Variants in ATP10D observed in about 807,000 individuals in gnomAD.
ATP10D encodes the protein phospholipid-transporting ATPase VD.
A neutral mutation model predicts 144.8 loss-of-function variants in ATP10D; 89 were observed. The ratio of observed to expected loss-of-function variants is 0.61; its 90% CI spans 0.52 to 0.73. The LOEUF (loss-of-function observed/expected upper bound fraction) is 0.73, where lower values mean the gene tolerates loss of function less well. Among genes scored for constraint, ATP10D ranks in the 30% least tolerant of loss-of-function variants. The pLI, the probability that ATP10D is intolerant of heterozygous loss-of-function variation, is 0.00. For missense variants in ATP10D, 1,603 were observed against 1,714.8 expected (o/e 0.93, Z 1.15); for synonymous variants, 571 against 615.1 (o/e 0.93, Z 1.06).
intron 22 of ATP10D, among the ~76,000 whole-genome samples, chr4:47,588,816 A>G (rs1018480224): frequency 5.9e-5 from 9 of 152,218 alleles, no homozygotes; most frequent in African/African-American, 2.2e-4. Context: ...AAAAACAATT[A>G]CTTAAAGGTT....
intron 1 of ATP10D, among the ~76,000 whole-genome samples, chr4:47,488,612 C>CAAAAAAAAAAAAAA (rs56859197): frequency 2.1e-3 from 193 of 91,230 alleles, no homozygotes; most frequent in Non-Finnish European, 2.6e-3. Flanking sequence ...ATATAATAAG[C>CAAAAAAAAAAAAAA]AAAAAAAAAA....
At position 47,538,694 on chromosome 4, in the gene ATP10D, A is replaced by C. The variant is rs189598865; in HGVS notation, c.1396+1756A>C. ...TATGCTTAGCTCACTGGTATTTCGC[A>C]GAATTCAGTGTACTGAAGTTTTAGG... On this transcript the variant is annotated intron_variant, in intron 9 of 22. Coordinates refer to ENST00000273859, the MANE Select transcript of ATP10D (RefSeq NM_020453.4). Among the ~76,000 whole-genome samples, 11 of 152,300 alleles carry C rather than the reference A, an allele frequency of 7.2e-5. No individual in the cohort carries two copies. In the East Asian group the frequency reaches 2.1e-3, roughly 29 times the overall value.
In ATP10D at chr4:47,515,492, T is replaced by A. The variant is rs893455576; in HGVS notation, c.307T>A (p.Phe103Ile). ...EQFHRAANLY[F>I]LFLVVLNWVP... Reference sequence around the variant, plus strand: ...GGGTTGCAGAGCTGCCAATTTATATTTCCTGTTCCTAGTTGTCCTGAACTG... The same window carrying A: ...GGGTTGCAGAGCTGCCAATTTATATATCCTGTTCCTAGTTGTCCTGAACTG... The change falls in exon 3 of 23, where the codon TTC (phenylalanine) becomes ATC (isoleucine). Residue 103 changes from phenylalanine to isoleucine, a missense_variant. By Grantham distance (21) the Phe-to-Ile change is conservative. Transcript: ENST00000273859. 9 of 1,611,926 alleles carry A rather than the reference T, an allele frequency of 5.6e-6. No homozygotes were observed. Among genetic ancestry groups the A allele is most frequent in the Non-Finnish European group, 7.6e-6 (9 of 1,179,074 alleles).
chr4:47,593,382 T>C lies in ATP10D; in HGVS notation c.*2001T>C, dbSNP rs188029758. On this transcript the variant is annotated 3_prime_UTR_variant, in exon 23 of 23. Transcript: ENST00000273859. Reference sequence around the variant, plus strand: ...ACTTTGCTTAATGTAATCATTCATATACTTTGCTACAAAAATATTAATATA... The same window carrying C: ...ACTTTGCTTAATGTAATCATTCATACACTTTGCTACAAAAATATTAATATA... 1 of 152,258 alleles carries C rather than the reference T, an allele frequency of 6.6e-6. No individual in the cohort carries two copies. Among genetic ancestry groups the C allele is most frequent in the Admixed American group, 6.5e-5 (1 of 15,276 alleles). 9.4% of individuals were successfully genotyped at this position (152,258 alleles called of 1,614,324 possible). A position where few individuals can be genotyped will look rare whatever the true frequency, so the allele number is the denominator to read the frequency against.
intron 1 of ATP10D, among the ~76,000 whole-genome samples, chr4:47,498,415 C>A (rs1026145654): frequency 6.6e-6 from 1 of 152,162 alleles, no homozygotes; most frequent in Non-Finnish European, 1.5e-5. Flanking sequence ...AGGGGAGGTA[C>A]AATTGGCCCC....
At chr4:47,555,706 C>G (rs545451965) in intron 11 of ATP10D, among the ~76,000 whole-genome samples, 105 of 152,050 alleles carry the variant, frequency 6.9e-4, no homozygotes, top group African/African-American at 2.3e-3. Context: ...TTATATCAGG[C>G]AAAATATACC....
intron 15 of ATP10D, among the ~76,000 whole-genome samples, 156 bp downstream of exon 15, chr4:47,563,921 C>T (rs188368364): frequency 5.3e-5 from 8 of 152,038 alleles, no homozygotes; most frequent in African/African-American, 1.9e-4. Context: ...GAGACGGAAT[C>T]TTGCTCTGTC....
chr4:47,566,841 T>C (rs1265254949), intron 15 of ATP10D, among the ~76,000 whole-genome samples: 3 of 152,186 alleles, frequency 2.0e-5, no homozygotes, highest in Non-Finnish European at 4.4e-5. Context: ...TAATGATTCA[T>C]TAACGTTAAA....
chr4:47,582,578 A>G (rs1400987868), intron 21 of ATP10D, among the ~76,000 whole-genome samples: 3 of 152,084 alleles, frequency 2.0e-5, no homozygotes, highest in African/African-American at 7.2e-5. Flanking sequence ...TCATTTCCAC[A>G]TATTCGTGGG....
intron 5 of ATP10D, among the ~76,000 whole-genome samples, chr4:47,531,371 G>T (rs540555708): frequency 1.7e-4 from 26 of 152,202 alleles, no homozygotes; most frequent in Non-Finnish European, 3.8e-4. Flanking sequence ...AAAGTGAAAA[G>T]AATGGCTGGC....
At chr4:47,568,503 A>G (rs1719756261) in intron 15 of ATP10D, among the ~76,000 whole-genome samples, 1 of 152,222 alleles carries the variant, frequency 6.6e-6, no homozygotes, top group Non-Finnish European at 1.5e-5. Context: ...GAGGTTACAT[A>G]GTTTGCCCAA....
chr4:47,503,153 G>A (rs1415221134), intron 1 of ATP10D, among the ~76,000 whole-genome samples: 2 of 152,152 alleles, frequency 1.3e-5, no homozygotes, highest in Non-Finnish European at 2.9e-5. Flanking sequence ...AGTGAGCCGA[G>A]ACCGGACCAC....
intron 5 of ATP10D, among the ~76,000 whole-genome samples, chr4:47,529,634 T>C (rs1279173938): frequency 6.6e-6 from 1 of 152,158 alleles, no homozygotes; most frequent in Non-Finnish European, 1.5e-5. Flanking sequence ...GACTTTTTTT[T>C]GGTTCCTTAT....
At chr4:47,496,884 C>G (rs1225046554) in intron 1 of ATP10D, among the ~76,000 whole-genome samples, 1 of 152,014 alleles carries the variant, frequency 6.6e-6, no homozygotes, top group Admixed American at 6.6e-5. Context: ...CTCTACTGCC[C>G]AGGCTGGAGT....
At chr4:47,528,955 C>T (rs1327181955) in intron 5 of ATP10D, among the ~76,000 whole-genome samples, 5 of 151,936 alleles carry the variant, frequency 3.3e-5, no homozygotes, top group Non-Finnish European at 7.4e-5. Flanking sequence ...TGTATGTCTT[C>T]GTTTGAGAAA....
chr4:47,547,066 G>A, intron 10 of ATP10D: 2 of 574,608 alleles, frequency 3.5e-6, no homozygotes, highest in Non-Finnish European at 3.1e-6. Context: ...ATAACTCAAT[G>A]TTGAGAGGTA....
chr4:47,536,419 C>A lies in ATP10D; in HGVS notation c.1016-18C>A, dbSNP rs750764969. Reference sequence around the variant, plus strand: ...CATATATTTAGCATCCTTTTGATGTCTGTGTATTTTTTGAAAGGTCATGGA... The same window carrying A: ...CATATATTTAGCATCCTTTTGATGTATGTGTATTTTTTGAAAGGTCATGGA... On this transcript the variant is annotated intron_variant, in intron 7 of 22. Coordinates refer to ENST00000273859, the MANE Select transcript of ATP10D (RefSeq NM_020453.4). 3.7e-6 allele frequency: 6 copies of A among 1,610,150 alleles called. No individual in the cohort carries two copies. In the South Asian group the frequency reaches 5.6e-5, roughly 15 times the overall value.
chr4:47,531,452 A>G (rs114978857), intron 5 of ATP10D, among the ~76,000 whole-genome samples: 1,978 of 152,300 alleles, frequency 0.013, 35 homozygotes, highest in African/African-American at 0.045. Context: ...GTATTGTTCT[A>G]TGTGGCTAAG....
chr4:47,573,618 T>TA (rs2109465768), intron 18 of ATP10D, among the ~76,000 whole-genome samples: 1 of 152,382 alleles, frequency 6.6e-6, no homozygotes, highest in South Asian at 2.1e-4. Flanking sequence ...TTCAGCCTGC[T>TA]ATTTCAATTT....
Sources: gnomAD v4.1 joint callset for allele counts (sites outside exome capture counted in the v4.1 genomes callset) on GRCh38, gnomAD v4.1.1 for gene constraint, MANE v1.5 for transcripts, NCBI Gene and HGNC (gene_info 2026-07-23, HGNC 2026-07-21) for gene names.